The following PEX3 variants were observed in gnomAD, a reference collection of about 807,000 sequenced individuals.
The protein encoded by PEX3 is peroxisomal biogenesis factor 3, also known as peroxin-3.
Under a neutral mutation model 55.8 loss-of-function variants are expected in PEX3, and 30 were observed. That is an observed-to-expected ratio of 0.54 (90% CI 0.40 to 0.73). The LOEUF is 0.73. PEX3 is among the 30% of genes least tolerant of loss of function. PEX3 has a pLI of 0.00. For synonymous variants in PEX3, 135 were observed against 148.4 expected (o/e 0.91, Z 0.66); for missense variants, 351 against 432.8 (o/e 0.81, Z 1.68).
rs200017800 is a variant in PEX3, at chr6:143,456,661, A to G, written c.74-2424A>G. On this transcript the variant is annotated intron_variant, in intron 1 of 11. Transcript: ENST00000367591. ...TTCCCTCTGCAATTGTCGATGTCCA[A>G]GTTTCCTTTTATAAGGACAAGTCTT... Among the ~76,000 whole-genome samples the G allele has an allele frequency of 4.6e-5, 7 of 152,302 alleles. No homozygotes were observed. The East Asian group carries it at 1.4e-3, about 29-fold the overall frequency.
rs896800669 is a variant in PEX3, at chr6:143,479,469, GT to G, written c.941+280del. ...TTCTATAAGTTGAATTCCAATTATTGTTTTTTTTTAACTCTTTAGAATACAA... is the reference window on the plus strand; with the variant it reads ...TTCTATAAGTTGAATTCCAATTATTGTTTTTTTTAACTCTTTAGAATACAA... On this transcript the variant is annotated intron_variant, in intron 10 of 11. Coordinates refer to ENST00000367591, the MANE Select transcript of PEX3 (RefSeq NM_003630.3). The surrounding 1 kb of genome is among the most constrained non-coding windows in gnomAD (Gnocchi z 4.6). Among the ~76,000 whole-genome samples the G allele has an allele frequency of 3.8e-4, 57 of 150,268 alleles. No homozygotes were observed. The East Asian group carries it at 7.2e-3, about 19-fold the overall frequency.
chr6:143,474,649 G>A, intron 8 of PEX3, 137 bp from the exon 9 acceptor site: 1 of 652,024 alleles, frequency 1.5e-6, no homozygotes, highest in Non-Finnish European at 2.7e-6. Flanking sequence ...TTTTGGTGGG[G>A]GAGGGTCTAA....
rs1779971943 is a variant in PEX3 at position 143,464,824 on chromosome 6, TTA to T, written c.287+1831_287+1832del. The stretch of plus-strand genomic sequence containing the variant: ...TCTTATGACTGCTTTTATATTAATT[TTA>T]TATGAGACTCTGGTCTCATATAAGC... On this transcript the variant is annotated intron_variant, in intron 3 of 11. Transcript: ENST00000367591. This position sits in a 1 kb window ranked among gnomAD's most constrained non-coding sequence, Gnocchi z 5.8. 2.6e-5 allele frequency among the ~76,000 whole-genome samples: 4 copies of T among 151,924 alleles called. No individual in the cohort carries two copies. The highest frequency in any genetic ancestry group is 2.6e-4 in the Admixed American group (4 of 15,270).
In PEX3 at chr6:143,487,463, A is replaced by G. The variant is rs559335296; in HGVS notation, c.1039-1680A>G. 3.0e-4 allele frequency among the ~76,000 whole-genome samples: 46 copies of G among 152,256 alleles called. No individual in the cohort carries two copies. The South Asian group carries it at 9.1e-3, about 30-fold the overall frequency. On this transcript the variant is annotated intron_variant, in intron 11 of 11. Coordinates refer to ENST00000367591, the MANE Select transcript of PEX3 (RefSeq NM_003630.3). The surrounding 1 kb of genome is among the most constrained non-coding windows in gnomAD (Gnocchi z 5.3). ...ACCTCACATACATATGTACACACAT[A>G]TACCACAGTCCTCCAGTGTTTAAAT...
At chr6:143,468,221 T>A (rs367604793) in intron 4 of PEX3, 56 bp downstream of exon 4, 4 of 1,180,672 alleles carry the variant, frequency 3.4e-6, no homozygotes, top group Non-Finnish European at 1.3e-6. Flanking sequence ...TAAAGGGAAA[T>A]GTTTGCATTC....
chr6:143,481,584 A>G (rs974935563), intron 10 of PEX3, among the ~76,000 whole-genome samples: 2 of 152,150 alleles, frequency 1.3e-5, no homozygotes, highest in African/African-American at 2.4e-5. Flanking sequence ...TAGAAAAGCT[A>G]TTTTGGTAAT....
At position 143,454,949 on chromosome 6, in the gene PEX3, C is replaced by T. The variant is rs777619099; in HGVS notation, c.73+3834C>T. Among the ~76,000 whole-genome samples the T allele has an allele frequency of 6.6e-6, 1 of 152,160 alleles. No homozygotes were observed. The highest frequency in any genetic ancestry group is 1.5e-5 in the Non-Finnish European group (1 of 68,024). On this transcript the variant is annotated intron_variant, in intron 1 of 11. Transcript: ENST00000367591. This position sits in a 1 kb window ranked among gnomAD's most constrained non-coding sequence, Gnocchi z 4.3. ...ATGAAGCCATTCTACATAATTTGGA[C>T]ATTATCCTTTGTATTGGTGCTTGCT...
Position 143,471,286 on chromosome 6 carries a change from C to A in PEX3, c.457-97C>A. 1 of 1,138,580 alleles carries A rather than the reference C, an allele frequency of 8.8e-7. No individual in the cohort carries two copies. Among genetic ancestry groups the A allele is most frequent in the Non-Finnish European group, 1.3e-6 (1 of 758,626 alleles). The allele number at this position is 1,138,580 out of a possible 1,614,324, so 70.5% of individuals were successfully genotyped here. A position where few individuals can be genotyped will look rare whatever the true frequency, so the allele number is the denominator to read the frequency against. On this transcript the variant is annotated intron_variant, in intron 5 of 11. Transcript: ENST00000367591. This position sits in a 1 kb window ranked among gnomAD's most constrained non-coding sequence, Gnocchi z 5.4. Reference sequence around the variant, plus strand: ...AAAATTACTATTTTTCCCGTCATTTCAGATCTTGAAAAATCTCAGCCAAAG... The same window carrying A: ...AAAATTACTATTTTTCCCGTCATTTAAGATCTTGAAAAATCTCAGCCAAAG...
In PEX3 at chr6:143,462,810, C is replaced by A. The variant is rs1321156598; in HGVS notation, c.206-106C>A. 2.5e-6 allele frequency: 2 copies of A among 802,946 alleles called. No individual in the cohort carries two copies. Among genetic ancestry groups the A allele is most frequent in the African/African-American group, 1.7e-5 (1 of 59,036 alleles). The allele number at this position is 802,946 out of a possible 1,614,324, so 49.7% of individuals were successfully genotyped here. A position where few individuals can be genotyped will look rare whatever the true frequency, so the allele number is the denominator to read the frequency against. On this transcript the variant is annotated intron_variant, in intron 2 of 11. Transcript: ENST00000367591. The surrounding 1 kb of genome is among the most constrained non-coding windows in gnomAD (Gnocchi z 4.1). ...CTAGCCCTGACTTTCCCTTCTGACT[C>A]TTGCTAGTTGCTAGCCCTATCATAT...
In PEX3 at chr6:143,450,817, C is replaced by T; in HGVS notation, c.-226C>T. 2.5e-6 allele frequency: 2 copies of T among 806,038 alleles called. No homozygotes were observed. Among genetic ancestry groups the T allele is most frequent in the Non-Finnish European group, 4.0e-6 (2 of 497,828 alleles). The allele number at this position is 806,038 out of a possible 1,614,324, so 49.9% of individuals were successfully genotyped here. ...GGCTTGTCGGACCAGTGAGCGGCGG[C>T]GGCTGCGCGGCGGCAGCGGCAGAAA... On this transcript the variant is annotated 5_prime_UTR_variant, in exon 1 of 12. Transcript: ENST00000367591.
chr6:143,461,895 C>G (rs1320739261), intron 2 of PEX3, among the ~76,000 whole-genome samples: 1 of 152,162 alleles, frequency 6.6e-6, no homozygotes, highest in Admixed American at 6.5e-5. Flanking sequence ...CTGCAGTGAG[C>G]CGTGATTGCA....
intron 9 of PEX3, among the ~76,000 whole-genome samples, chr6:143,478,517 C>A (rs539357185): frequency 6.6e-6 from 1 of 152,086 alleles, no homozygotes; most frequent in South Asian, 2.1e-4. Flanking sequence ...GAAATTGGAA[C>A]ATAACTAGGT....
chr6:143,472,174 A>T lies in PEX3; in HGVS notation c.593A>T (p.His198Leu). 6.2e-7 allele frequency: 1 copy of T among 1,607,090 alleles called. No individual in the cohort carries two copies. The highest frequency in any genetic ancestry group is 8.5e-7 in the Non-Finnish European group (1 of 1,173,864). Residue 198 changes from histidine to leucine, a missense_variant, in exon 8 of 12, where the codon CAT becomes CTT. Transcript: ENST00000367591. ...TCTGTTTCTAGTGTTTCTCTTAAAC[A>T]TTCTTTGTCCCTTTTGGACTTGGAG... ...QKVLGSVSLK[H>L]SLSLLDLEQK...
rs1780151982 is a variant in PEX3, at chr6:143,476,231, GC to G, written c.818+1377del. Among the ~76,000 whole-genome samples the G allele has an allele frequency of 6.6e-6, 1 of 152,166 alleles. No homozygotes were observed. Among genetic ancestry groups the G allele is most frequent in the African/African-American group, 2.4e-5 (1 of 41,448 alleles). On this transcript the variant is annotated intron_variant, in intron 9 of 11. Transcript: ENST00000367591. The surrounding 1 kb of genome is among the most constrained non-coding windows in gnomAD (Gnocchi z 5.4). ...ACAGTTGCAGTGATCCTAATGCTTG[GC>G]CTGTTCAAGGAATAGCAAGGAGGCC...
chr6:143,468,614 A>G (rs1229732987), intron 4 of PEX3, among the ~76,000 whole-genome samples: 2 of 152,256 alleles, frequency 1.3e-5, no homozygotes, highest in African/African-American at 4.8e-5. Flanking sequence ...TGTCAGCAGA[A>G]TGATGCTTAA....
At chr6:143,478,650 T>G (rs1198979088) in intron 9 of PEX3, among the ~76,000 whole-genome samples, 1 of 152,098 alleles carries the variant, frequency 6.6e-6, no homozygotes, top group Non-Finnish European at 1.5e-5. Flanking sequence ...CCCAATTTAC[T>G]AATCACAGGC....
At chr6:143,480,149 A>G (rs6930325) in intron 10 of PEX3, among the ~76,000 whole-genome samples, 2 of 151,902 alleles carry the variant, frequency 1.3e-5, no homozygotes, top group Non-Finnish European at 2.9e-5. Context: ...GCCATAAAGT[A>G]TATTCTCTGA....
chr6:143,462,285 A>G lies in PEX3; in HGVS notation c.206-631A>G, dbSNP rs1779930183. Among the ~76,000 whole-genome samples the G allele has an allele frequency of 6.6e-6, 1 of 152,102 alleles. No homozygotes were observed. Among genetic ancestry groups the G allele is most frequent in the Non-Finnish European group, 1.5e-5 (1 of 68,010 alleles). On this transcript the variant is annotated intron_variant, in intron 2 of 11. Transcript: ENST00000367591. The surrounding 1 kb of genome is among the most constrained non-coding windows in gnomAD (Gnocchi z 4.1). ...TTAGTTTCTAACCCAGTGCACTTTT[A>G]TTTATGTTATAATAAATGTTTATTG... is the stretch of plus-strand genomic sequence containing the variant.
chr6:143,472,444 T>G, intron 8 of PEX3, 116 bp downstream of exon 8: 2 of 750,272 alleles, frequency 2.7e-6, no homozygotes, highest in Non-Finnish European at 4.5e-6. Flanking sequence ...AAGCATATAT[T>G]TCAGTAATTG....
Sources: allele counts gnomAD v4.1 joint callset (sites outside exome capture counted in the v4.1 genomes callset), GRCh38; gene constraint gnomAD v4.1.1; non-coding constraint Gnocchi (gnomAD v3.1); transcripts MANE v1.5; gene names NCBI Gene and HGNC (gene_info 2026-07-23, HGNC 2026-07-21).